Variants in ENPP6 observed in about 807,000 individuals in gnomAD.
ENPP6 encodes glycerophosphocholine cholinephosphodiesterase ENPP6.
In ENPP6, 32 loss-of-function variants were observed where a neutral mutation model predicts 42.0. The ratio of observed to expected loss-of-function variants is 0.76; its 90% confidence interval spans 0.58 to 1.02. ENPP6 has a LOEUF of 1.02. ENPP6 is among the 50% of genes least tolerant of loss of function. The pLI is 0.00. For synonymous variants in ENPP6, 213 were observed against 216.0 expected, an observed-to-expected ratio of 0.99 and a Z score of 0.12; for missense variants, 552 against 566.8, an observed-to-expected ratio of 0.97 and a Z score of 0.27.
chr4:184,107,987 A>G (rs1736132142), intron 6 of ENPP6, among the ~76,000 whole-genome samples: 1 of 152,160 alleles, frequency 6.6e-6, no homozygotes. Context: ...AAATCCTAAG[A>G]AAAAGATAAA....
At chr4:184,186,021 T>C (rs1296119502) in intron 1 of ENPP6, among the ~76,000 whole-genome samples, 1 of 152,198 alleles carries the variant, frequency 6.6e-6, no homozygotes, top group East Asian at 1.9e-4. Flanking sequence ...TGTTAGCAAT[T>C]TACCCTCAGC....
intron 1 of ENPP6, among the ~76,000 whole-genome samples, chr4:184,212,573 G>C (rs200746496): frequency 0.11 from 15,967 of 148,428 alleles, 1,636 homozygotes; most frequent in African/African-American, 0.26. Flanking sequence ...CAAACCACTG[G>C]TCAACGAAAT....
chr4:184,132,900 T>A (rs954515546), intron 2 of ENPP6, among the ~76,000 whole-genome samples: 1 of 151,106 alleles, frequency 6.6e-6, no homozygotes, highest in Admixed American at 6.7e-5. Context: ...AGACTATCTT[T>A]TATCACTTTG....
chr4:184,187,905 T>C (rs1278510221), intron 1 of ENPP6, among the ~76,000 whole-genome samples: 2 of 152,164 alleles, frequency 1.3e-5, no homozygotes, highest in African/African-American at 4.8e-5. Context: ...GCTCTGAAAA[T>C]ATTTTGTTGA....
chr4:184,131,362 C>CT lies in ENPP6; in HGVS notation c.422-7091dup, dbSNP rs374125883. On this transcript the variant is annotated intron_variant, in intron 2 of 7. Transcript: ENST00000296741. ...TCTTTCTTTCTTTTCTTTCTTCTTT[C>CT]TTTTTTTTTGAGATGGAGTCTCCCT... Among the ~76,000 whole-genome samples, 486 of 129,474 alleles carry CT rather than the reference C, an allele frequency of 3.8e-3. 9 individuals are homozygous for CT. The highest frequency in any genetic ancestry group is 0.031 in the Admixed American group (382 of 12,180). 84.9% of individuals were successfully genotyped at this position (129,474 alleles called of 152,430 possible).
At chr4:184,171,528 G>A (rs149724747) in intron 1 of ENPP6, among the ~76,000 whole-genome samples, 327 of 152,280 alleles carry the variant, frequency 2.1e-3, no homozygotes, top group Non-Finnish European at 3.6e-3. Flanking sequence ...GATTTGTTAC[G>A]GCAGCTTTCT....
intron 1 of ENPP6, among the ~76,000 whole-genome samples, chr4:184,215,630 T>G (rs1733184005): frequency 6.6e-6 from 1 of 152,164 alleles, no homozygotes; most frequent in African/African-American, 2.4e-5. Flanking sequence ...GCTAGATCCC[T>G]CCCTTGTGCA....
chr4:184,193,696 T>C (rs1040458483), intron 1 of ENPP6, among the ~76,000 whole-genome samples: 2 of 152,210 alleles, frequency 1.3e-5, no homozygotes, highest in African/African-American at 2.4e-5. Flanking sequence ...TATAGATCCA[T>C]ATATGGGATC....
intron 6 of ENPP6, among the ~76,000 whole-genome samples, chr4:184,111,619 C>T (rs1389387282): frequency 6.6e-6 from 1 of 152,238 alleles, no homozygotes; most frequent in Non-Finnish European, 1.5e-5. Context: ...AGAAGGACCT[C>T]GCTGGTCTCT....
In ENPP6 at chr4:184,159,276, G is replaced by A. The variant is rs531602490; in HGVS notation, c.242-5543C>T. On this transcript the variant is annotated intron_variant, in intron 1 of 7. Transcript: ENST00000296741. The stretch of plus-strand genomic sequence containing the variant: ...TGCTCATATTCTTTCAAGTATTCAA[G>A]AGGGTCAGCGGGACCTGGAGCATTA... 5.1e-4 allele frequency among the ~76,000 whole-genome samples: 77 copies of A among 152,302 alleles called. 1 individual carries two copies. The South Asian group carries it at 0.011, about 21-fold the overall frequency.
chr4:184,103,425 A>G (rs746743818), intron 6 of ENPP6, among the ~76,000 whole-genome samples: 3 of 152,172 alleles, frequency 2.0e-5, no homozygotes, highest in Non-Finnish European at 4.4e-5. Context: ...GCCTAATAAA[A>G]ATCTACTTTT....
At position 184,090,370 on chromosome 4, in the gene ENPP6, T is replaced by C. The variant is rs1304144100; in HGVS notation, c.*807A>G. On this transcript the variant is annotated 3_prime_UTR_variant, in exon 8 of 8. Transcript: ENST00000296741. ...ACAGGGAAGGCAGGCAGGCCATCCA[T>C]TTGTCCATCAATATGCAGGGCCTGC... 1 of 152,294 alleles carries C rather than the reference T, an allele frequency of 6.6e-6. No homozygotes were observed. Among genetic ancestry groups the C allele is most frequent in the African/African-American group, 2.4e-5 (1 of 41,466 alleles). 9.4% of individuals were successfully genotyped at this position (152,294 alleles called of 1,614,324 possible).
In ENPP6 at chr4:184,090,077, C is replaced by T. The variant is rs911356498; in HGVS notation, c.*1100G>A. The T allele has an allele frequency of 2.0e-5, 3 of 152,190 alleles. No individual in the cohort carries two copies. Among genetic ancestry groups the T allele is most frequent in the African/African-American group, 7.2e-5 (3 of 41,422 alleles). The allele number at this position is 152,190 out of a possible 1,614,324, so 9.4% of individuals were successfully genotyped here. On this transcript the variant is annotated 3_prime_UTR_variant, in exon 8 of 8. Coordinates refer to ENST00000296741, the MANE Select transcript of ENPP6 (RefSeq NM_153343.4). Reference sequence around the variant, plus strand: ...TCCATCATGCTCTCTCCATTCTCCACCCAGCACCATTTTCTTTGGAATTCT... The same window carrying T: ...TCCATCATGCTCTCTCCATTCTCCATCCAGCACCATTTTCTTTGGAATTCT...
At chr4:184,195,442 C>A (rs559905813) in intron 1 of ENPP6, among the ~76,000 whole-genome samples, 2 of 152,146 alleles carry the variant, frequency 1.3e-5, no homozygotes, top group South Asian at 4.1e-4. Context: ...CATCCATGTC[C>A]CTGCAAAGGA....
At chr4:184,152,957 C>G (rs1231768838) in intron 2 of ENPP6, among the ~76,000 whole-genome samples, 3 of 151,408 alleles carry the variant, frequency 2.0e-5, no homozygotes, top group South Asian at 2.1e-4. Context: ...AGTAAGCACC[C>G]TATAATTTCT....
chr4:184,188,736 G>A (rs10016852), intron 1 of ENPP6, among the ~76,000 whole-genome samples: 3,040 of 152,240 alleles, frequency 0.02, 101 homozygotes, highest in African/African-American at 0.067. Flanking sequence ...CCAATTAAAT[G>A]TGGGAGGCTT....
At chr4:184,092,127 A>T (rs1735815291) in intron 7 of ENPP6, among the ~76,000 whole-genome samples, 1 of 152,074 alleles carries the variant, frequency 6.6e-6, no homozygotes, top group African/African-American at 2.4e-5. Flanking sequence ...CGACAGCCAG[A>T]GTGCCAGCGT....
At chr4:184,150,170 C>A (rs974236020) in intron 2 of ENPP6, among the ~76,000 whole-genome samples, 1 of 152,172 alleles carries the variant, frequency 6.6e-6, no homozygotes, top group African/African-American at 2.4e-5. Context: ...AATGGCAACA[C>A]TGGGTGGCGT....
chr4:184,198,302 C>T (rs1193288377), intron 1 of ENPP6, among the ~76,000 whole-genome samples: 8 of 152,222 alleles, frequency 5.3e-5, no homozygotes, highest in East Asian at 1.9e-4. Context: ...TGGTCCCCAA[C>T]GTGGAGACGG....
Sources: gnomAD v4.1 joint callset for allele counts (sites outside exome capture counted in the v4.1 genomes callset) on GRCh38, gnomAD v4.1.1 for gene constraint, MANE v1.5 for transcripts, NCBI Gene and HGNC (gene_info 2026-07-23, HGNC 2026-07-21) for gene names.